Variants in TRMT11 observed in about 807,000 individuals in gnomAD.
TRMT11 encodes tRNA methyltransferase 11.
TRMT11 carries 53 observed loss-of-function variants against 62.8 expected under a neutral mutation model. The ratio of observed to expected loss-of-function variants is 0.84; its 90% CI spans 0.68 to 1.06. TRMT11 has a LOEUF of 1.06. Ranked by LOEUF, TRMT11 falls within the 50% of genes least tolerant of loss-of-function variation. The pLI, the probability that TRMT11 is intolerant of heterozygous loss-of-function variation, is 0.00. For missense variants in TRMT11, 556 were observed against 553.4 expected (o/e 1.00, Z -0.05); for synonymous variants, 188 against 190.3 (o/e 0.99, Z 0.10).
intron 21 of TRMT11, among the ~76,000 whole-genome samples, chr6:126,165,597 T>A (rs1478954178): frequency 6.6e-6 from 1 of 152,214 alleles, no homozygotes. Flanking sequence ...TTTAAGAATG[T>A]TGAATATTGG....
At position 125,998,122 on chromosome 6, in the gene TRMT11, T is replaced by C. The variant is rs1415576694; in HGVS notation, c.282T>C (p.Pro94=). The C allele has an allele frequency of 1.9e-6, 3 of 1,613,378 alleles. No homozygotes were observed. Among genetic ancestry groups the C allele is most frequent in the African/African-American group, 2.7e-5 (2 of 74,906 alleles). The part of the protein sequence containing the change: ...EELYSSLKNY[P]VEKMVPFLHS... ...TGTACAGTTCTCTTAAAAACTACCC[T>C]GTGGAGAAGATGGTGCGTAGTAAAA... Residue 94 remains proline (P), a synonymous_variant, in exon 4 of 13, where the codon CCT becomes CCC. Coordinates refer to ENST00000334379, the MANE Select transcript of TRMT11 (RefSeq NM_001031712.3).
intron 21 of TRMT11, among the ~76,000 whole-genome samples, chr6:126,136,256 C>T (rs950890179): frequency 1.3e-5 from 2 of 151,006 alleles, no homozygotes; most frequent in African/African-American, 4.9e-5. Context: ...GAAGACTCTG[C>T]CAAAAAACTT....
At chr6:126,092,636 CAATG>C (rs1308990265) in intron 17 of TRMT11, among the ~76,000 whole-genome samples, 1 of 152,116 alleles carries the variant, frequency 6.6e-6, no homozygotes, top group African/African-American at 2.4e-5. Flanking sequence ...CTAGAGAACA[CAATG>C]AATACAACCT....
chr6:126,060,978 A>G (rs965399742), intron 17 of TRMT11, among the ~76,000 whole-genome samples: 1 of 152,216 alleles, frequency 6.6e-6, no homozygotes, highest in Non-Finnish European at 1.5e-5. Context: ...TTCCTTCCCC[A>G]TCAAATCTTT....
chr6:126,034,514 A>G (rs1168758998), intron 12 of TRMT11, among the ~76,000 whole-genome samples: 1 of 152,168 alleles, frequency 6.6e-6, no homozygotes, highest in Non-Finnish European at 1.5e-5. Flanking sequence ...ATAAAAAATG[A>G]TAATAGTATA....
chr6:126,008,746 G>A, intron 8 of TRMT11: 1 of 612,840 alleles, frequency 1.6e-6, no homozygotes, highest in South Asian at 1.5e-5. Context: ...ACTGAATAAA[G>A]TAAGTATAAC....
Position 126,152,056 on chromosome 6 carries a change from C to CT in TRMT11, c.*1824-22761dup, listed in dbSNP as rs982062392. Among the ~76,000 whole-genome samples, 22 of 94,580 alleles carry CT rather than the reference C, an allele frequency of 2.3e-4. No individual in the cohort carries two copies. In the South Asian group the frequency reaches 5.6e-3, roughly 24 times the overall value. The allele number at this position is 94,580 out of a possible 152,430, so 62.0% of individuals were successfully genotyped here. A position where few individuals can be genotyped will look rare whatever the true frequency, so the allele number is the denominator to read the frequency against. ...CTGTTTCTCTCTCTCTCTTTTCTTT[C>CT]TTTTTTTTCTGTTACAGGCAGCATG... On this transcript the variant is annotated intron_variant and NMD_transcript_variant, in intron 21 of 22. Transcript: ENST00000648977.
At chr6:126,255,698 T>C in the TRMT11 span, among the ~76,000 whole-genome samples, 24 of 152,250 alleles carry the variant, frequency 1.6e-4, no homozygotes, top group African/African-American at 4.6e-4. Flanking sequence ...CCTGGACTAA[T>C]TTTACTGGTG....
At chr6:126,206,546 A>G (rs1164168714), downstream of TRMT11, among the ~76,000 whole-genome samples, 1 of 152,234 alleles carries the variant, frequency 6.6e-6, no homozygotes, top group East Asian at 1.9e-4. Flanking sequence ...GCAATACAAT[A>G]TAAAAACATT....
At chr6:126,168,232 TCAGAACCAGTGTTAGGGG>T (rs1778290658) in intron 21 of TRMT11, among the ~76,000 whole-genome samples, 1 of 152,204 alleles carries the variant, frequency 6.6e-6, no homozygotes, top group African/African-American at 2.4e-5. Flanking sequence ...AGCTGTGTAG[TCAGAACCAGTGTTAGGGG>T]GAGTTCTTTA....
intron 17 of TRMT11, among the ~76,000 whole-genome samples, chr6:126,108,485 A>G (rs1489156005): frequency 6.6e-6 from 1 of 152,232 alleles, no homozygotes; most frequent in African/African-American, 2.4e-5. Context: ...CCTTACATTT[A>G]TACTTTATGT....
chr6:126,266,201 G>T, the TRMT11 span, among the ~76,000 whole-genome samples: 3 of 152,266 alleles, frequency 2.0e-5, no homozygotes, highest in South Asian at 6.2e-4. Flanking sequence ...TGTCTAGTGC[G>T]TGTTATATCT....
the TRMT11 span, among the ~76,000 whole-genome samples, chr6:126,248,174 A>G: frequency 6.6e-6 from 1 of 152,154 alleles, no homozygotes; most frequent in Non-Finnish European, 1.5e-5. Context: ...GTTACTACTC[A>G]TTGATCATCC....
At chr6:126,165,837 A>C (rs945922799) in intron 21 of TRMT11, among the ~76,000 whole-genome samples, 7 of 152,140 alleles carry the variant, frequency 4.6e-5, no homozygotes, top group Non-Finnish European at 8.8e-5. Context: ...CTGTCTTGCT[A>C]GGTTGGAGAA....
At chr6:126,115,510 T>C (rs999012365) in intron 20 of TRMT11, among the ~76,000 whole-genome samples, 3 of 152,112 alleles carry the variant, frequency 2.0e-5, no homozygotes, top group Non-Finnish European at 2.9e-5. Context: ...TCCTTAGCCC[T>C]CAAAATATGT....
rs1212277135 is a variant in TRMT11, at chr6:126,111,854, T to A, written c.*1438-1012T>A. On this transcript the variant is annotated intron_variant and NMD_transcript_variant, in intron 17 of 22. Transcript: ENST00000648977. ...CTTTGCCTTCTCTGTAAGTAACTTC[T>A]CTGCCTCTTGGCTTACTGTATATAA... Among the ~76,000 whole-genome samples, 6 of 152,264 alleles carry A rather than the reference T, an allele frequency of 3.9e-5. No individual in the cohort carries two copies. In the East Asian group the frequency reaches 9.7e-4, roughly 25 times the overall value.
At chr6:126,027,915 G>C (rs1360493249) in intron 12 of TRMT11, among the ~76,000 whole-genome samples, 1 of 152,016 alleles carries the variant, frequency 6.6e-6, no homozygotes, top group African/African-American at 2.4e-5. Context: ...TAGACACTGA[G>C]GTCACTTCAG....
intron 17 of TRMT11, among the ~76,000 whole-genome samples, chr6:126,055,911 TTTC>T (rs564231340): frequency 1.2e-3 from 184 of 152,344 alleles, no homozygotes; most frequent in African/African-American, 4.2e-3. Flanking sequence ...AGTTTCCCTC[TTTC>T]TTCTTCTCCT....
chr6:126,072,777 G>T (rs1022958381), intron 17 of TRMT11, among the ~76,000 whole-genome samples: 8 of 152,028 alleles, frequency 5.3e-5, no homozygotes, highest in African/African-American at 1.9e-4. Context: ...ATCCTCACAT[G>T]GCAGAGAGCA....
Sources: allele counts gnomAD v4.1 joint callset (sites outside exome capture counted in the v4.1 genomes callset), GRCh38; gene constraint gnomAD v4.1.1; transcripts MANE v1.5; gene names NCBI Gene and HGNC (gene_info 2026-07-23, HGNC 2026-07-21).